The following TBXAS1 variants were observed in gnomAD, a reference collection of about 807,000 sequenced individuals.
TBXAS1 encodes thromboxane A synthase 1, also known as thromboxane-A synthase.
A neutral mutation model predicts 60.7 loss-of-function variants in TBXAS1; 48 were observed. That is an observed-to-expected ratio of 0.79 (90% CI 0.63 to 1.01). The LOEUF (loss-of-function observed/expected upper bound fraction) is 1.01, where lower values mean the gene tolerates loss of function less well. Among genes scored for constraint, TBXAS1 ranks in the 50% least tolerant of loss-of-function variants. TBXAS1 has a pLI of 0.00. For missense variants in TBXAS1, 685 were observed against 686.3 expected, an observed-to-expected ratio of 1.00 and a Z score of 0.02; for synonymous variants, 287 against 269.7, an observed-to-expected ratio of 1.06 and a Z score of -0.63.
At chr7:139,821,457 A>G (rs1798293601) in intron 4 of TBXAS1, among the ~76,000 whole-genome samples, 1 of 152,234 alleles carries the variant, frequency 6.6e-6, no homozygotes, top group African/African-American at 2.4e-5. Context: ...GTGGTTGTAC[A>G]ATGATGTATA....
chr7:139,984,207 C>T (rs1394958340), intron 9 of TBXAS1, among the ~76,000 whole-genome samples: 1 of 152,250 alleles, frequency 6.6e-6, no homozygotes, highest in Non-Finnish European at 1.5e-5. Flanking sequence ...AGCATCTGCT[C>T]TGTTAGACTG....
rs572975931 is a variant in TBXAS1, at chr7:139,823,319, T to C, written c.-79-5993T>C. Among the ~76,000 whole-genome samples, 3 of 152,074 alleles carry C rather than the reference T, an allele frequency of 2.0e-5. No individual in the cohort carries two copies. In the East Asian group the frequency reaches 5.8e-4, roughly 30 times the overall value. On this transcript the variant is annotated intron_variant, in intron 4 of 16. Coordinates refer to the TBXAS1 transcript ENST00000336425. ...TTGGAGAGATGTGGGGCTTATACAC[T>C]GGGATTCTCATCTACTGCCAGGTCC...
chr7:139,829,808 C>T (rs1442893181), intron 1 of TBXAS1, among the ~76,000 whole-genome samples: 1 of 152,188 alleles, frequency 6.6e-6, no homozygotes, highest in Non-Finnish European at 1.5e-5. Flanking sequence ...TATCTCCTCA[C>T]CTCATTTTTC....
chr7:139,842,325 C>T (rs951453752), intron 1 of TBXAS1, among the ~76,000 whole-genome samples: 9 of 152,248 alleles, frequency 5.9e-5, no homozygotes, highest in African/African-American at 1.4e-4. Flanking sequence ...TACTGAGCTG[C>T]GTGAGTGGGT....
intron 3 of TBXAS1, among the ~76,000 whole-genome samples, chr7:139,881,800 G>A (rs963283214): frequency 1.4e-4 from 22 of 152,168 alleles, no homozygotes; most frequent in African/African-American, 4.8e-4. Flanking sequence ...TAGCTTCAAA[G>A]TTCACACCAC....
At chr7:139,906,248 G>A in intron 3 of TBXAS1, 1 of 169,608 alleles carries the variant, frequency 5.9e-6, no homozygotes, top group Non-Finnish European at 1.3e-5. Context: ...GTACAGATGG[G>A]GTTTACCATG....
intron 9 of TBXAS1, among the ~76,000 whole-genome samples, chr7:139,993,440 T>A (rs919829719): frequency 6.6e-6 from 1 of 152,178 alleles, no homozygotes; most frequent in African/African-American, 2.4e-5. Flanking sequence ...AATCAAGGTA[T>A]CCATCAGTGA....
At chr7:140,018,267 G>C (rs573251696) in intron 12 of TBXAS1, among the ~76,000 whole-genome samples, 1 of 152,230 alleles carries the variant, frequency 6.6e-6, no homozygotes, top group East Asian at 1.9e-4. Flanking sequence ...CAGAAGGTGG[G>C]GACACTTCCT....
intron 3 of TBXAS1, among the ~76,000 whole-genome samples, chr7:139,881,350 A>G (rs921048917): frequency 6.6e-6 from 1 of 152,148 alleles, no homozygotes; most frequent in Non-Finnish European, 1.5e-5. Context: ...ATATTTTTTC[A>G]TAAACTTTCA....
intron 5 of TBXAS1, among the ~76,000 whole-genome samples, chr7:139,943,281 T>G (rs1420037666): frequency 6.6e-6 from 1 of 152,242 alleles, no homozygotes; most frequent in Admixed American, 6.5e-5. Flanking sequence ...CCTGACCAGT[T>G]GCCCATTTTC....
intron 4 of TBXAS1, among the ~76,000 whole-genome samples, chr7:139,795,617 T>C (rs1229463637): frequency 6.7e-6 from 1 of 148,372 alleles, no homozygotes; most frequent in East Asian, 2.0e-4. Flanking sequence ...TGGTAATGCC[T>C]AGGTTTTCTT....
At chr7:139,805,716 C>CTTTCTTTCTTTCTTTCTT (rs1275760230) in intron 4 of TBXAS1, among the ~76,000 whole-genome samples, 1 of 86,314 alleles carries the variant, frequency 1.2e-5, no homozygotes, top group African/African-American at 6.0e-5. Flanking sequence ...CTTTCTTTCT[C>CTTTCTTTCTTTCTTTCTT]TCTCTCTCTC....
intron 4 of TBXAS1, among the ~76,000 whole-genome samples, chr7:139,935,228 T>A (rs986716664): frequency 6.6e-6 from 1 of 152,220 alleles, no homozygotes; most frequent in Non-Finnish European, 1.5e-5. Flanking sequence ...ATGCTTAAGT[T>A]TCTGACATAA....
chr7:139,952,772 C>A, intron 5 of TBXAS1: 2 of 1,350,328 alleles, frequency 1.5e-6, no homozygotes, highest in Non-Finnish European at 1.9e-6. Flanking sequence ...GCATAGGAGG[C>A]ATCTTGAAGT....
intron 3 of TBXAS1, among the ~76,000 whole-genome samples, chr7:139,784,030 T>G (rs1797093170): frequency 6.6e-6 from 1 of 151,404 alleles, no homozygotes; most frequent in South Asian, 2.1e-4. Flanking sequence ...TTTTTTGTAT[T>G]TTTTCCCAAA....
upstream of TBXAS1, among the ~76,000 whole-genome samples, chr7:139,825,824 G>A (rs1226363683): frequency 1.3e-5 from 2 of 152,124 alleles, no homozygotes; most frequent in Non-Finnish European, 2.9e-5. Flanking sequence ...ACTACATCTG[G>A]GATATGTTAT....
In TBXAS1 at chr7:139,877,761, G is replaced by A. The variant is rs368387958; in HGVS notation, c.236+2124G>A. ...TTTTTTTTTTTTGAGACGGAGTCTCGCTCTGTCGCCCAGGCTGGAGTGCAG... is the reference window on the plus strand; with the variant it reads ...TTTTTTTTTTTTGAGACGGAGTCTCACTCTGTCGCCCAGGCTGGAGTGCAG... On this transcript the variant is annotated intron_variant, in intron 3 of 12. Coordinates refer to ENST00000448866, the MANE Select transcript of TBXAS1 (RefSeq NM_001061.7). Among the ~76,000 whole-genome samples, 16 of 137,746 alleles carry A rather than the reference G, an allele frequency of 1.2e-4. No individual in the cohort carries two copies. The South Asian group carries it at 2.1e-3, about 18-fold the overall frequency. The allele number at this position is 137,746 out of a possible 152,430, so 90.4% of individuals were successfully genotyped here.
chr7:139,922,099 C>CTTTTTT (rs557582196), intron 4 of TBXAS1, among the ~76,000 whole-genome samples: 1 of 139,904 alleles, frequency 7.1e-6, no homozygotes, highest in African/African-American at 2.6e-5. Flanking sequence ...TTTTCTTTTT[C>CTTTTTT]TTTTTTTTTT....
intron 3 of TBXAS1, among the ~76,000 whole-genome samples, chr7:139,900,105 G>T (rs1019467045): frequency 6.6e-6 from 1 of 152,176 alleles, no homozygotes; most frequent in Non-Finnish European, 1.5e-5. Flanking sequence ...AATCTCAAAG[G>T]TTTGAGAAGA....
Sources: gnomAD v4.1 joint callset for allele counts (sites outside exome capture counted in the v4.1 genomes callset) on GRCh38, gnomAD v4.1.1 for gene constraint, MANE v1.5 for transcripts, NCBI Gene and HGNC (gene_info 2026-07-23, HGNC 2026-07-21) for gene names.